The following NOL4 variants were observed in gnomAD, a reference collection of about 807,000 sequenced individuals.
NOL4 encodes nucleolar protein 4.
NOL4 carries 17 observed loss-of-function variants against 75.9 expected under a neutral mutation model. The ratio of observed to expected loss-of-function variants is 0.22; its 90% CI spans 0.15 to 0.34. The LOEUF (loss-of-function observed/expected upper bound fraction) is 0.34. Ranked by LOEUF, NOL4 falls within the 10% of genes least tolerant of loss-of-function variation. The probability of loss-of-function intolerance (pLI) is 1.00; values close to 1 mark genes in which losing one functional copy is unlikely to be tolerated. For synonymous variants in NOL4, 292 were observed against 289.9 expected (o/e 1.01, Z -0.07); for missense variants, 614 against 793.5 (o/e 0.77, Z 2.72).
intron 1 of NOL4, among the ~76,000 whole-genome samples, chr18:34,165,955 A>T (rs2146218727): frequency 6.6e-6 from 1 of 152,214 alleles, no homozygotes; most frequent in Non-Finnish European, 1.5e-5. Flanking sequence ...TAGAATGTTT[A>T]AGCTGTAACT....
chr18:34,194,543 C>T (rs927128334), intron 1 of NOL4, among the ~76,000 whole-genome samples: 3 of 151,592 alleles, frequency 2.0e-5, no homozygotes, highest in African/African-American at 7.3e-5. Flanking sequence ...TAAATTACCT[C>T]GTAAGTAAGC....
chr18:33,937,460 CAGAA>C (rs1184048290), intron 9 of NOL4, among the ~76,000 whole-genome samples: 1 of 152,102 alleles, frequency 6.6e-6, no homozygotes, highest in Admixed American at 6.6e-5. Context: ...AGTGGCTTAA[CAGAA>C]AGCCAATTTT....
chr18:33,890,393 T>G (rs7227480), intron 9 of NOL4, among the ~76,000 whole-genome samples: 2,580 of 152,096 alleles, frequency 0.017, 65 homozygotes, highest in African/African-American at 0.058. Flanking sequence ...ACAAATGGAA[T>G]AACATTCCAT....
At chr18:33,854,885 G>A (rs1040564288) in intron 10 of NOL4, among the ~76,000 whole-genome samples, 4 of 151,748 alleles carry the variant, frequency 2.6e-5, no homozygotes, top group Admixed American at 1.3e-4. Flanking sequence ...TATTCTAATC[G>A]GCAGTTTTTG....
intron 1 of NOL4, among the ~76,000 whole-genome samples, chr18:34,172,345 T>C (rs9945937): frequency 0.48 from 73,531 of 151,880 alleles, 17,918 homozygotes; most frequent in Admixed American, 0.55. Context: ...TCCAAGTAAA[T>C]TAAAATTGTA....
chr18:34,068,410 T>A (rs2077371294), intron 5 of NOL4, among the ~76,000 whole-genome samples: 1 of 152,150 alleles, frequency 6.6e-6, no homozygotes, highest in African/African-American at 2.4e-5. Context: ...TTTAATTTTT[T>A]ATTTTTTTGA....
chr18:33,852,435 C>CTTTT lies in NOL4; in HGVS notation c.*403_*406dup, dbSNP rs78098811. 7.2e-5 allele frequency: 9 copies of CTTTT among 125,414 alleles called. No individual in the cohort carries two copies. The highest frequency in any genetic ancestry group is 8.9e-5 in the African/African-American group (3 of 33,856). 7.8% of individuals were successfully genotyped at this position (125,414 alleles called of 1,614,324 possible). A position where few individuals can be genotyped will look rare whatever the true frequency, so the allele number is the denominator to read the frequency against. The stretch of plus-strand genomic sequence containing the variant: ...AACAAGAAATTTGGCTTTTTTTTTT[C>CTTTT]TTTTTTTTTTTTTTGCCAGGTACTT... On this transcript the variant is annotated 3_prime_UTR_variant, in exon 11 of 11. Coordinates refer to ENST00000261592, the MANE Select transcript of NOL4 (RefSeq NM_003787.5).
intron 10 of NOL4, among the ~76,000 whole-genome samples, chr18:33,882,791 G>T (rs1216994420): frequency 6.6e-6 from 1 of 152,052 alleles, no homozygotes; most frequent in Non-Finnish European, 1.5e-5. Context: ...CAATAGCAAA[G>T]AATTGGAACC....
intron 9 of NOL4, among the ~76,000 whole-genome samples, chr18:33,891,587 TTGGAAAAA>T (rs908557175): frequency 1.3e-5 from 2 of 152,142 alleles, no homozygotes; most frequent in Non-Finnish European, 2.9e-5. Flanking sequence ...GTTTCTGGTT[TTGGAAAAA>T]TGGTGGCTCT....
intron 5 of NOL4, among the ~76,000 whole-genome samples, chr18:34,091,335 C>T (rs1267830575): frequency 1.3e-5 from 2 of 152,178 alleles, no homozygotes; most frequent in East Asian, 3.9e-4. Flanking sequence ...TACACTCCAG[C>T]CTGGGCAACA....
At chr18:34,167,782 A>C (rs2032569311) in intron 1 of NOL4, among the ~76,000 whole-genome samples, 1 of 152,066 alleles carries the variant, frequency 6.6e-6, no homozygotes, top group Non-Finnish European at 1.5e-5. Flanking sequence ...ATAACATCTG[A>C]GGACTGGAGG....
intron 9 of NOL4, among the ~76,000 whole-genome samples, chr18:33,896,848 A>G (rs2065439777): frequency 6.6e-6 from 1 of 152,190 alleles, no homozygotes; most frequent in African/African-American, 2.4e-5. Flanking sequence ...ACAGAATGGG[A>G]GAAAATATTT....
At chr18:33,971,174 T>A (rs1023641748) in intron 6 of NOL4, among the ~76,000 whole-genome samples, 1 of 152,240 alleles carries the variant, frequency 6.6e-6, no homozygotes, top group African/African-American at 2.4e-5. Context: ...TCCATTTCCC[T>A]TATACTTTCA....
intron 6 of NOL4, among the ~76,000 whole-genome samples, chr18:33,983,209 G>A (rs1241617852): frequency 6.6e-6 from 1 of 152,040 alleles, no homozygotes; most frequent in Admixed American, 6.6e-5. Context: ...GGATAAATGG[G>A]CAGAGCACAA....
intron 1 of NOL4, among the ~76,000 whole-genome samples, chr18:34,213,056 G>A (rs573418578): frequency 2.6e-5 from 4 of 152,196 alleles, no homozygotes; most frequent in South Asian, 4.2e-4. Flanking sequence ...AAGGAGAAGG[G>A]ATTATACAAG....
intron 1 of NOL4, among the ~76,000 whole-genome samples, chr18:34,140,604 G>GCA (rs2081105155): frequency 6.6e-6 from 1 of 152,120 alleles, no homozygotes; most frequent in South Asian, 2.1e-4. Context: ...CCTGAATAGA[G>GCA]CACACTGATG....
chr18:34,162,179 T>C (rs2146185005), intron 1 of NOL4, among the ~76,000 whole-genome samples: 1 of 152,158 alleles, frequency 6.6e-6, no homozygotes, highest in East Asian at 1.9e-4. Context: ...TTAAAAGAAC[T>C]AGAAAAGCAA....
chr18:34,154,996 C>T (rs960692186), intron 1 of NOL4, among the ~76,000 whole-genome samples: 1 of 151,908 alleles, frequency 6.6e-6, no homozygotes, highest in African/African-American at 2.4e-5. Flanking sequence ...GCTGGTCTCC[C>T]TTTTTCTTAT....
intron 6 of NOL4, among the ~76,000 whole-genome samples, chr18:33,959,815 C>A (rs1413869124): frequency 2.0e-5 from 3 of 151,972 alleles, no homozygotes; most frequent in Non-Finnish European, 4.4e-5. Flanking sequence ...TTTAGAACAT[C>A]TAAACAACCT....
Sources: allele counts gnomAD v4.1 joint callset (sites outside exome capture counted in the v4.1 genomes callset), GRCh38; gene constraint gnomAD v4.1.1; transcripts MANE v1.5; gene names NCBI Gene and HGNC (gene_info 2026-07-23, HGNC 2026-07-21).